TRIM7: variants seen among roughly 807,000 people sequenced by gnomAD.
The protein encoded by TRIM7 is tripartite motif containing 7, also known as E3 ubiquitin-protein ligase TRIM7.
A neutral mutation model predicts 37.9 loss-of-function variants in TRIM7; 32 were observed. The observed-to-expected ratio is 0.84, with a 90% CI of 0.64 to 1.13. The LOEUF (loss-of-function observed/expected upper bound fraction) is 1.13, where lower values mean the gene tolerates loss of function less well. Ranked by LOEUF, TRIM7 falls within the 50% of genes most tolerant of loss-of-function variation. TRIM7 has a pLI of 0.00. For synonymous variants in TRIM7, 351 were observed against 321.3 expected, an observed-to-expected ratio of 1.09 and a Z score of -0.99; for missense variants, 732 against 714.0, an observed-to-expected ratio of 1.03 and a Z score of -0.29.
intron 1 of TRIM7, 123 bp downstream of exon 1, chr5:181,204,466 A>G: frequency 8.5e-7 from 1 of 1,181,604 alleles, no homozygotes; most frequent in South Asian, 2.6e-5. Flanking sequence ...GAATGGAGAA[A>G]GAAGGGAGGG....
Position 181,194,990 on chromosome 5 carries a change from C to G in TRIM7, c.*176G>C. On this transcript the variant is annotated 3_prime_UTR_variant, in exon 7 of 7. Coordinates refer to ENST00000274773, the MANE Select transcript of TRIM7 (RefSeq NM_203293.3). The stretch of plus-strand genomic sequence containing the variant: ...CTCAGGAGTCCAAAGCCCCTGTTCC[C>G]CTGCTCGGTTGGCCACAGTCACTCT... 1.4e-6 allele frequency: 1 copy of G among 721,138 alleles called. No individual in the cohort carries two copies. Among genetic ancestry groups the G allele is most frequent in the South Asian group, 2.1e-5 (1 of 48,298 alleles). The allele number at this position is 721,138 out of a possible 1,614,324, so 44.7% of individuals were successfully genotyped here. A position where few individuals can be genotyped will look rare whatever the true frequency, so the allele number is the denominator to read the frequency against.
intron 2 of TRIM7, among the ~76,000 whole-genome samples, chr5:181,201,759 A>G (rs1358439655): frequency 6.6e-6 from 1 of 152,044 alleles, no homozygotes. Flanking sequence ...AACAAAAACG[A>G]ATGTGGGGGT....
intron 6 of TRIM7, chr5:181,197,861 G>A (rs1582225942): frequency 1.4e-5 from 6 of 423,604 alleles, no homozygotes; most frequent in East Asian, 4.5e-5. Flanking sequence ...CCATTCCCAG[G>A]AGAGGTTTCC....
At chr5:181,196,735 C>T (rs1415847191) in intron 6 of TRIM7, 2 of 152,302 alleles carry the variant, frequency 1.3e-5, no homozygotes, top group South Asian at 2.1e-4. Flanking sequence ...AAAATAATCC[C>T]ACAGGAAGTG....
chr5:181,198,104 C>A, intron 6 of TRIM7, 79 bp downstream of exon 6: 6 of 1,549,970 alleles, frequency 3.9e-6, no homozygotes, highest in East Asian at 2.2e-5. Context: ...ATATGCAAAA[C>A]CCTGAGATGG....
rs1582229698 is a variant in TRIM7 at position 181,199,389 on chromosome 5, G to A, written c.850-272C>T. 1.3e-5 allele frequency: 7 copies of A among 553,720 alleles called. No homozygotes were observed. In the East Asian group the frequency reaches 2.2e-4, roughly 17 times the overall value. The allele number at this position is 553,720 out of a possible 1,614,324, so 34.3% of individuals were successfully genotyped here. Reference sequence around the variant, plus strand: ...CTTTCTTAGTTACAGAATCATCACTGGAGCTATCCCATGGGACCCAGTGCT... The same window carrying A: ...CTTTCTTAGTTACAGAATCATCACTAGAGCTATCCCATGGGACCCAGTGCT... On this transcript the variant is annotated intron_variant, in intron 3 of 6. Transcript: ENST00000274773.
At chr5:181,204,179 T>G in intron 1 of TRIM7, 1 of 1,009,290 alleles carries the variant, frequency 9.9e-7, no homozygotes. Flanking sequence ...GGTGGGGACT[T>G]TGAGCAGAGC....
intron 3 of TRIM7, 185 bp downstream of exon 3, chr5:181,199,666 G>C (rs1414775715): frequency 2.2e-6 from 2 of 920,624 alleles, no homozygotes; most frequent in Non-Finnish European, 3.1e-6. Context: ...GTGGCTCATA[G>C]TCAAGAAAGT....
At position 181,195,459 on chromosome 5, in the gene TRIM7, G is replaced by C; in HGVS notation, c.1243C>G (p.Arg415Gly). 6.2e-7 allele frequency: 1 copy of C among 1,611,490 alleles called. No individual in the cohort carries two copies. The highest frequency in any genetic ancestry group is 8.5e-7 in the Non-Finnish European group (1 of 1,179,322). The change falls in exon 7 of 7, where the codon CGC becomes GGC. Residue 415 changes from arginine (R) to glycine (G), a missense_variant. Transcript: ENST00000274773. ...SKDGWAFGVA[R>G]ESVRRKGLTP... ...AGGCCCTTTCGGCGCACGCTCTCGC[G>C]GGCCACGCCAAAGGCCCAGCCGTCC...
intron 2 of TRIM7, chr5:181,202,503 A>G (rs570710233): frequency 6.7e-6 from 1 of 149,382 alleles, no homozygotes; most frequent in East Asian, 2.0e-4. Context: ...TTCAACACCT[A>G]TTTACTGAGC....
Position 181,204,576 on chromosome 5 carries a change from G to A in TRIM7, c.522+13C>T. On this transcript the variant is annotated intron_variant, in intron 1 of 6. Coordinates refer to ENST00000274773, the MANE Select transcript of TRIM7 (RefSeq NM_203293.3). ...TCCCGGGGACCCACGGGGTGGGTGG[G>A]GGCTGCGCTCACCTTGGCCTCCTGC... The A allele has an allele frequency of 7.2e-7, 1 of 1,388,162 alleles. No individual in the cohort carries two copies. The highest frequency in any genetic ancestry group is 9.3e-7 in the Non-Finnish European group (1 of 1,077,420). 86.0% of individuals were successfully genotyped at this position (1,388,162 alleles called of 1,614,324 possible). A position where few individuals can be genotyped will look rare whatever the true frequency, so the allele number is the denominator to read the frequency against.
Position 181,195,678 on chromosome 5 carries a change from C to CCT in TRIM7, c.1025-2_1025-1insAG. On this transcript the variant is annotated splice_acceptor_variant, in intron 6 of 6. Transcript: ENST00000274773. LOFTEE classifies it high-confidence loss of function. ...GTGTCGGGATCCAAGGTGAGCTCCACTGCAGACAGAGACAGGGAGAAATGT... is the reference window on the plus strand; with the variant it reads ...GTGTCGGGATCCAAGGTGAGCTCCACCTTGCAGACAGAGACAGGGAGAAATGT... 6.6e-7 allele frequency: 1 copy of CCT among 1,517,578 alleles called. No homozygotes were observed. Among genetic ancestry groups the CCT allele is most frequent in the Non-Finnish European group, 8.8e-7 (1 of 1,130,560 alleles). The allele number at this position is 1,517,578 out of a possible 1,614,324, so 94.0% of individuals were successfully genotyped here. A position where few individuals can be genotyped will look rare whatever the true frequency, so the allele number is the denominator to read the frequency against.
intron 5 of TRIM7, 125 bp from the exon 6 acceptor site, chr5:181,198,343 C>T (rs772605388): frequency 2.9e-5 from 30 of 1,028,880 alleles, no homozygotes; most frequent in South Asian, 8.4e-5. Flanking sequence ...CAAGAGTGAA[C>T]GTGCAGGCAC....
Position 181,195,485 on chromosome 5 carries a change from T to A in TRIM7, c.1217A>T (p.Lys406Met). ...GGCCACGCCAAAGGCCCAGCCGTCC[T>A]TAGAGCCCACCTCCACCTCCCAGTG... ...RHHWEVEVGS[K>M]DGWAFGVARE... The change falls in exon 7 of 7, where the codon AAG becomes ATG. Residue 406 changes from lysine (K) to methionine (M), a missense_variant. Coordinates refer to ENST00000274773, the MANE Select transcript of TRIM7 (RefSeq NM_203293.3). 1 of 1,612,558 alleles carries A rather than the reference T, an allele frequency of 6.2e-7. No individual in the cohort carries two copies. Among genetic ancestry groups the A allele is most frequent in the Non-Finnish European group, 8.5e-7 (1 of 1,179,740 alleles).
chr5:181,204,332 C>G (rs1477792555), intron 1 of TRIM7: 13 of 1,197,416 alleles, frequency 1.1e-5, no homozygotes, highest in Non-Finnish European at 1.2e-5. Flanking sequence ...CCGTGGGGGA[C>G]GTCGCGCAGG....
Position 181,204,705 on chromosome 5 carries a change from G to A in TRIM7, c.406C>T (p.Pro136Ser). 6.7e-7 allele frequency: 1 copy of A among 1,495,580 alleles called. No individual in the cohort carries two copies. The highest frequency in any genetic ancestry group is 2.8e-5 in the East Asian group (1 of 35,354). The allele number at this position is 1,495,580 out of a possible 1,614,324, so 92.6% of individuals were successfully genotyped here. ...AAARCGQHGE[P>S]FKLYCQDDGR... ...TCGTCCTGGCAGTAGAGCTTGAAGGGTTCGCCATGCTGCCCGCAGCGGGCA... is the reference window on the plus strand; with the variant it reads ...TCGTCCTGGCAGTAGAGCTTGAAGGATTCGCCATGCTGCCCGCAGCGGGCA... The change falls in exon 1 of 7, where the codon CCC (proline) becomes TCC (serine). Residue 136 changes from proline to serine, a missense_variant. Transcript: ENST00000274773.
chr5:181,202,947 TG>T (rs1269770781), intron 2 of TRIM7: 1 of 152,296 alleles, frequency 6.6e-6, no homozygotes, highest in African/African-American at 2.4e-5. Context: ...CATTCCAACT[TG>T]GGGTAGAGGC....
At chr5:181,204,484 C>A in intron 1 of TRIM7, 105 bp downstream of exon 1, 1 of 1,224,046 alleles carries the variant, frequency 8.2e-7, no homozygotes, top group Non-Finnish European at 1.0e-6. Flanking sequence ...GGGGCTCACC[C>A]GGGCCTCCTG....
In TRIM7 at chr5:181,203,764, A is replaced by G. The variant is rs1757653115; in HGVS notation, c.523-124T>C. ...GCTCACTGAGGGGGAGGCCGGGTAG[A>G]AGTCATCTCTACAGGCTACAGGTTA... On this transcript the variant is annotated intron_variant, in intron 1 of 6. Coordinates refer to ENST00000274773, the MANE Select transcript of TRIM7 (RefSeq NM_203293.3). 5 of 1,473,756 alleles carry G rather than the reference A, an allele frequency of 3.4e-6. No homozygotes were observed. The East Asian group carries it at 1.2e-4, about 35-fold the overall frequency. 91.3% of individuals were successfully genotyped at this position (1,473,756 alleles called of 1,614,324 possible).
Sources: allele counts gnomAD v4.1 joint callset (sites outside exome capture counted in the v4.1 genomes callset), GRCh38; gene constraint gnomAD v4.1.1; transcripts MANE v1.5; gene names NCBI Gene and HGNC (gene_info 2026-07-23, HGNC 2026-07-21).